The following GALNTL6 variants were observed in gnomAD, a reference collection of about 807,000 sequenced individuals.
GALNTL6 encodes the protein polypeptide N-acetylgalactosaminyltransferase like 6, also known as polypeptide N-acetylgalactosaminyltransferase-like 6.
In GALNTL6, 46 loss-of-function variants were observed where a neutral mutation model predicts 73.7. That is an observed-to-expected ratio of 0.62 (90% CI 0.49 to 0.80). The LOEUF is 0.80. Ranked by LOEUF, GALNTL6 falls within the 30% of genes least tolerant of loss-of-function variation. The probability of loss-of-function intolerance (pLI) is 0.00; values close to 1 mark genes in which losing one functional copy is unlikely to be tolerated. For missense variants in GALNTL6, 604 were observed against 755.0 expected (o/e 0.80, Z 2.34); for synonymous variants, 259 against 263.7 (o/e 0.98, Z 0.17).
intron 2 of GALNTL6, among the ~76,000 whole-genome samples, chr4:172,102,260 A>G (rs1732540227): frequency 6.6e-6 from 1 of 152,228 alleles, no homozygotes; most frequent in Admixed American, 6.5e-5. Flanking sequence ...CAGCTTCTCA[A>G]TGCTACAGAC....
chr4:172,812,009 AATGGATGGATGGATGG>A lies in GALNTL6; in HGVS notation c.740-1495_740-1480del, dbSNP rs71910847. On this transcript the variant is annotated intron_variant, in intron 6 of 12. Coordinates refer to ENST00000506823, the MANE Select transcript of GALNTL6 (RefSeq NM_001034845.3). ...TATGAAAAGAATGACTGGATGGATA[AATGGATGGATGGATGG>A]ATGGATGGATGGATGGATGGATGGA... 1.6e-3 allele frequency among the ~76,000 whole-genome samples: 244 copies of A among 148,310 alleles called. 3 individuals are homozygous for A. In the South Asian group the frequency reaches 0.024, roughly 14 times the overall value.
chr4:172,838,365 C>G (rs982508121), intron 7 of GALNTL6, among the ~76,000 whole-genome samples: 7 of 152,102 alleles, frequency 4.6e-5, no homozygotes, highest in African/African-American at 1.7e-4. Context: ...TGGGCGGAGT[C>G]CAGACACGCA....
chr4:173,021,063 A>T (rs1752969782), intron 11 of GALNTL6, among the ~76,000 whole-genome samples: 1 of 151,080 alleles, frequency 6.6e-6, no homozygotes, highest in South Asian at 2.1e-4. Context: ...ACAGGGTGAG[A>T]CTCTGTCTGA....
intron 9 of GALNTL6, among the ~76,000 whole-genome samples, chr4:172,934,047 C>T (rs1392848034): frequency 6.6e-6 from 1 of 152,128 alleles, no homozygotes; most frequent in Non-Finnish European, 1.5e-5. Flanking sequence ...TCTTCAGTAC[C>T]TTCTATTTAC....
intron 2 of GALNTL6, among the ~76,000 whole-genome samples, chr4:172,105,746 G>C (rs1374851885): frequency 1.3e-5 from 2 of 151,942 alleles, no homozygotes; most frequent in Non-Finnish European, 2.9e-5. Flanking sequence ...TCATTCAAAA[G>C]CAAACATGAA....
chr4:172,956,038 C>T (rs1749734036), intron 10 of GALNTL6, among the ~76,000 whole-genome samples: 1 of 151,938 alleles, frequency 6.6e-6, no homozygotes, highest in African/African-American at 2.4e-5. Context: ...AATATGATGG[C>T]TTAGCTTTGG....
chr4:172,772,048 G>A (rs576984965), intron 5 of GALNTL6, among the ~76,000 whole-genome samples: 8 of 151,732 alleles, frequency 5.3e-5, no homozygotes, highest in Middle Eastern at 3.4e-3. Context: ...TGAAAGGCAC[G>A]TCTCACATGG....
chr4:172,871,914 G>A (rs1321064840), intron 7 of GALNTL6, among the ~76,000 whole-genome samples: 1 of 151,944 alleles, frequency 6.6e-6, no homozygotes, highest in Non-Finnish European at 1.5e-5. Context: ...CTCCCGATTA[G>A]CTCCGATTAG....
rs573374888 is a variant in GALNTL6 at position 172,011,387 on chromosome 4, G to C, written c.138+196669G>C. On this transcript the variant is annotated intron_variant, in intron 2 of 12. Transcript: ENST00000506823. ...AAACAGGAAGGAAGTGGGTTTGTAA[G>C]AGAGTGTGGGTGTGTCCTAAAAGTC... Among the ~76,000 whole-genome samples the C allele has an allele frequency of 2.1e-4, 32 of 152,182 alleles. No individual in the cohort carries two copies. In the East Asian group the frequency reaches 2.9e-3, roughly 14 times the overall value.
chr4:172,631,768 G>C (rs1380873868), intron 5 of GALNTL6, among the ~76,000 whole-genome samples: 1 of 152,180 alleles, frequency 6.6e-6, no homozygotes, highest in African/African-American at 2.4e-5. Flanking sequence ...TAATGAATGT[G>C]TCTGAATATA....
intron 4 of GALNTL6, among the ~76,000 whole-genome samples, chr4:172,335,453 G>A (rs546179854): frequency 2.6e-5 from 4 of 152,250 alleles, no homozygotes; most frequent in African/African-American, 4.8e-5. Context: ...ATGCTAGCTC[G>A]CTTTGTAGAA....
chr4:171,923,592 G>C (rs561492702), intron 2 of GALNTL6, among the ~76,000 whole-genome samples: 4 of 142,484 alleles, frequency 2.8e-5, no homozygotes, highest in Admixed American at 1.4e-4. Flanking sequence ...ATTTTTAGTA[G>C]AGACAGGGTT....
chr4:172,168,958 T>G (rs1006757393), intron 2 of GALNTL6, among the ~76,000 whole-genome samples: 2 of 152,206 alleles, frequency 1.3e-5, no homozygotes, highest in Non-Finnish European at 1.5e-5. Flanking sequence ...AAATATTCTT[T>G]GAGGATAACA....
intron 2 of GALNTL6, among the ~76,000 whole-genome samples, chr4:172,138,484 T>C: frequency 4.1e-4 from 2 of 4,834 alleles, no homozygotes; most frequent in African/African-American, 1.1e-3. Flanking sequence ...TGCCTATATA[T>C]ATATATATAT....
chr4:172,808,114 T>C (rs1268512446), intron 5 of GALNTL6, among the ~76,000 whole-genome samples: 1 of 152,200 alleles, frequency 6.6e-6, no homozygotes, highest in East Asian at 1.9e-4. Flanking sequence ...TGAGCCACCA[T>C]GCCCGGCCCC....
chr4:172,494,331 C>G (rs1366940359), intron 5 of GALNTL6, among the ~76,000 whole-genome samples: 1 of 152,110 alleles, frequency 6.6e-6, no homozygotes, highest in Non-Finnish European at 1.5e-5. Context: ...GTTTTTGATT[C>G]ACAGCATCAG....
intron 4 of GALNTL6, among the ~76,000 whole-genome samples, chr4:172,329,626 T>G (rs1032916749): frequency 1.3e-5 from 2 of 152,142 alleles, no homozygotes; most frequent in Non-Finnish European, 2.9e-5. Context: ...ATGTGTGACC[T>G]GTGTGAAAAA....
intron 7 of GALNTL6, among the ~76,000 whole-genome samples, chr4:172,863,403 G>A (rs1035912622): frequency 2.8e-4 from 43 of 152,192 alleles, no homozygotes; most frequent in Admixed American, 1.8e-3. Flanking sequence ...CCACATAGGC[G>A]GAGCTGCCCA....
At chr4:172,212,369 T>G (rs1185866483) in intron 2 of GALNTL6, among the ~76,000 whole-genome samples, 1 of 151,912 alleles carries the variant, frequency 6.6e-6, no homozygotes. Context: ...ACCATGTTGA[T>G]CAGGCTGGTC....
Sources: gnomAD v4.1 joint callset for allele counts (sites outside exome capture counted in the v4.1 genomes callset) on GRCh38, gnomAD v4.1.1 for gene constraint, MANE v1.5 for transcripts, NCBI Gene and HGNC (gene_info 2026-07-23, HGNC 2026-07-21) for gene names.